The following MEIS2 variants were observed in gnomAD, a reference collection of about 807,000 sequenced individuals.
MEIS2 encodes the protein Meis homeobox 2, also known as homeobox protein Meis2.
MEIS2 carries 9 observed loss-of-function variants against 58.6 expected under a neutral mutation model. That is an observed-to-expected ratio of 0.15 (90% CI 0.09 to 0.27). MEIS2 has a LOEUF of 0.27. Among genes scored for constraint, MEIS2 ranks in the 10% least tolerant of loss-of-function variants. MEIS2 has a pLI of 1.00. For missense variants in MEIS2, 427 were observed against 635.0 expected, an observed-to-expected ratio of 0.67 and a Z score of 3.52; for synonymous variants, 221 against 228.4, an observed-to-expected ratio of 0.97 and a Z score of 0.29.
intron 9 of MEIS2, among the ~76,000 whole-genome samples, chr15:36,912,329 G>A (rs1464325993): frequency 6.6e-6 from 1 of 152,102 alleles, no homozygotes; most frequent in African/African-American, 2.4e-5. Context: ...ACTCCCCTTG[G>A]TTAATATCCA....
intron 8 of MEIS2, among the ~76,000 whole-genome samples, chr15:36,960,045 G>A (rs2059128056): frequency 6.6e-6 from 1 of 151,840 alleles, no homozygotes; most frequent in African/African-American, 2.4e-5. Flanking sequence ...AAAAATCTGG[G>A]GCAAATATTA....
intron 8 of MEIS2, among the ~76,000 whole-genome samples, chr15:37,030,809 T>TA (rs772664059): frequency 6.0e-5 from 9 of 151,152 alleles, no homozygotes; most frequent in East Asian, 1.9e-4. Flanking sequence ...CCCAGCCAAT[T>TA]AAAAAAAAAT....
intron 7 of MEIS2, among the ~76,000 whole-genome samples, chr15:37,048,721 C>A (rs193247204): frequency 1.3e-5 from 2 of 151,768 alleles, no homozygotes; most frequent in Non-Finnish European, 2.9e-5. Flanking sequence ...AAAAGATAGC[C>A]GTCTCTATAA....
At chr15:36,910,534 C>T (rs1362912906) in intron 9 of MEIS2, among the ~76,000 whole-genome samples, 2 of 152,180 alleles carry the variant, frequency 1.3e-5, no homozygotes, top group African/African-American at 4.8e-5. Flanking sequence ...AATGAAGCGG[C>T]ATCCTAATTT....
chr15:37,099,318 T>C (rs1259182985), intron 1 of MEIS2, 137 bp downstream of exon 1: 6 of 1,556,208 alleles, frequency 3.9e-6, no homozygotes, highest in Non-Finnish European at 5.2e-6. Context: ...TGAATAATTT[T>C]GCTATTTTTT....
intron 9 of MEIS2, among the ~76,000 whole-genome samples, chr15:36,924,011 A>G (rs2057634863): frequency 6.6e-6 from 1 of 152,222 alleles, no homozygotes; most frequent in African/African-American, 2.4e-5. Context: ...GCTACACAAG[A>G]CATGCCCTTT....
intron 7 of MEIS2, among the ~76,000 whole-genome samples, chr15:37,043,812 C>A (rs892372334): frequency 4.0e-5 from 6 of 151,800 alleles, no homozygotes; most frequent in African/African-American, 1.5e-4. Context: ...TTCAGCCTCC[C>A]GAGTAGCTAG....
intron 7 of MEIS2, among the ~76,000 whole-genome samples, chr15:37,077,921 C>T (rs779669679): frequency 2.4e-4 from 36 of 152,140 alleles, no homozygotes. Context: ...CAGAGCTTTC[C>T]CGTAAATGTC....
At chr15:36,928,995 G>C (rs2057861622) in intron 9 of MEIS2, among the ~76,000 whole-genome samples, 1 of 152,170 alleles carries the variant, frequency 6.6e-6, no homozygotes, top group African/African-American at 2.4e-5. Flanking sequence ...AATGATCATA[G>C]ATTATTCCAT....
intron 7 of MEIS2, among the ~76,000 whole-genome samples, chr15:37,072,827 C>G (rs372888100): frequency 7.9e-5 from 12 of 152,170 alleles, no homozygotes; most frequent in African/African-American, 2.4e-4. Context: ...ATCCCTCCCC[C>G]CTTCCCCCAC....
At chr15:36,977,839 A>C (rs1021398214) in intron 8 of MEIS2, among the ~76,000 whole-genome samples, 3 of 152,196 alleles carry the variant, frequency 2.0e-5, no homozygotes, top group African/African-American at 7.2e-5. Context: ...CCACACAGTG[A>C]AGGGCATTCA....
intron 8 of MEIS2, among the ~76,000 whole-genome samples, chr15:37,027,315 GGT>G (rs1276297609): frequency 1.3e-5 from 2 of 152,050 alleles, no homozygotes; most frequent in Non-Finnish European, 2.9e-5. Flanking sequence ...TGAATGTTAG[GGT>G]CACTTTATGA....
chr15:37,101,214 G>A (rs985814641), upstream of MEIS2: 11 of 152,294 alleles, frequency 7.2e-5, no homozygotes, highest in Admixed American at 2.0e-4. Context: ...GTGCGGACAA[G>A]GGGCCACCCC....
chr15:36,996,781 A>G (rs1322989198), intron 8 of MEIS2, among the ~76,000 whole-genome samples: 2 of 152,190 alleles, frequency 1.3e-5, no homozygotes, highest in East Asian at 3.9e-4. Flanking sequence ...CCTTATGATT[A>G]AAGGCCAAGA....
intron 9 of MEIS2, chr15:36,898,135 A>G (rs2056281399): frequency 6.6e-6 from 1 of 152,270 alleles, no homozygotes. Flanking sequence ...GTGATCAGCT[A>G]TGTAGAGGTG....
intron 9 of MEIS2, among the ~76,000 whole-genome samples, chr15:36,918,860 TA>T (rs1419514369): frequency 6.6e-6 from 1 of 152,184 alleles, no homozygotes; most frequent in Non-Finnish European, 1.5e-5. Context: ...AGTTAGGTGG[TA>T]AGTTTGAATT....
intron 5 of MEIS2, 84 bp from the exon 6 acceptor site, chr15:37,093,814 G>A: frequency 6.4e-7 from 1 of 1,569,658 alleles, no homozygotes; most frequent in Non-Finnish European, 8.7e-7. Flanking sequence ...AAAAATACCA[G>A]GTTGCAAGGT....
intron 8 of MEIS2, among the ~76,000 whole-genome samples, chr15:37,030,852 C>G (rs1445243803): frequency 2.0e-5 from 3 of 151,932 alleles, no homozygotes; most frequent in Non-Finnish European, 4.4e-5. Flanking sequence ...GTTGCCCAGG[C>G]TGGTCTCAAA....
At chr15:36,901,268 C>A (rs2056456737) in intron 9 of MEIS2, 1 of 152,210 alleles carries the variant, frequency 6.6e-6, no homozygotes, top group Non-Finnish European at 1.5e-5. Flanking sequence ...AATGATGAAA[C>A]TTCAGCCTTG....
Sources: allele counts gnomAD v4.1 joint callset (sites outside exome capture counted in the v4.1 genomes callset), GRCh38; gene constraint gnomAD v4.1.1; transcripts MANE v1.5; gene names NCBI Gene and HGNC (gene_info 2026-07-23, HGNC 2026-07-21).